Variants in TRIO observed in about 807,000 individuals in gnomAD.
TRIO encodes the protein trio Rho guanine nucleotide exchange factor.
TRIO carries 58 observed loss-of-function variants against 351.9 expected under a neutral mutation model. The ratio of observed to expected loss-of-function variants is 0.16; its 90% CI spans 0.13 to 0.21. The LOEUF (loss-of-function observed/expected upper bound fraction) is 0.21, where lower values mean the gene tolerates loss of function less well. TRIO is among the 10% of genes least tolerant of loss of function. The pLI is 1.00. For synonymous variants in TRIO, 1,758 were observed against 1,595.7 expected (o/e 1.10, Z -2.42); for missense variants, 3,201 against 4,027.8 (o/e 0.79, Z 5.56).
At position 14,336,682 on chromosome 5, in the gene TRIO, G is replaced by A; in HGVS notation, c.2001G>A (p.Lys667=). ...QDFVRRVEQR[K]ILLDMSVSFH... is the part of the protein sequence containing the mutation. ...TCGTTCGGCGTGTTGAGCAGCGAAA[G>A]ATCCTACTGGACATGTCAGTGTCCT... Residue 667 remains lysine (K), a synonymous_variant, in exon 11 of 57, where the codon AAG becomes AAA. Coordinates refer to ENST00000344204, the MANE Select transcript of TRIO (RefSeq NM_007118.4). 6.2e-7 allele frequency: 1 copy of A among 1,614,252 alleles called. No homozygotes were observed. Among genetic ancestry groups the A allele is most frequent in the South Asian group, 1.1e-5 (1 of 91,088 alleles).
At chr5:14,426,385 G>A (rs1157223431) in intron 34 of TRIO, among the ~76,000 whole-genome samples, 1 of 152,086 alleles carries the variant, frequency 6.6e-6, no homozygotes, top group Non-Finnish European at 1.5e-5. Flanking sequence ...AAAAATAAAT[G>A]TATTCAGTGA....
At chr5:14,357,003 G>A (rs1455985292) in intron 11 of TRIO, among the ~76,000 whole-genome samples, 6 of 152,268 alleles carry the variant, frequency 3.9e-5, no homozygotes, top group Non-Finnish European at 8.8e-5. Flanking sequence ...TTTGAGGTGA[G>A]GGAGAGGCTC....
intron 49 of TRIO, among the ~76,000 whole-genome samples, chr5:14,495,227 A>G (rs1463467908): frequency 6.6e-6 from 1 of 152,252 alleles, no homozygotes; most frequent in South Asian, 2.1e-4. Flanking sequence ...AAGAGCTGCA[A>G]TCTCCTCATC....
chr5:14,455,520 G>A (rs1753218565), intron 34 of TRIO, among the ~76,000 whole-genome samples: 1 of 151,730 alleles, frequency 6.6e-6, no homozygotes, highest in Non-Finnish European at 1.5e-5. Flanking sequence ...GTGGATTGGT[G>A]TATTTACAAT....
intron 1 of TRIO, among the ~76,000 whole-genome samples, chr5:14,216,773 A>G (rs1177271590): frequency 1.3e-5 from 2 of 152,248 alleles, no homozygotes; most frequent in East Asian, 1.9e-4. Flanking sequence ...ACTGCCTCCA[A>G]GGGTCCTGAA....
intron 1 of TRIO, among the ~76,000 whole-genome samples, chr5:14,255,155 A>C (rs1794960222): frequency 6.6e-6 from 1 of 152,270 alleles, no homozygotes; most frequent in Non-Finnish European, 1.5e-5. Context: ...TTAAATACAT[A>C]GACTGGTCTG....
At chr5:14,471,188 C>G in intron 37 of TRIO, 130 bp from the exon 38 acceptor site, 1 of 1,260,058 alleles carries the variant, frequency 7.9e-7, no homozygotes, top group Non-Finnish European at 1.0e-6. Context: ...TATAATTTCA[C>G]AAACAAAGAT....
At position 14,344,420 on chromosome 5, in the gene TRIO, T is replaced by C. The variant is rs901987309; in HGVS notation, c.2046+7693T>C. Reference sequence around the variant, plus strand: ...CTTTATTGAAATAATTGAGAAAATATAGTATAACAAACACACCCCCTAAAT... The same window carrying C: ...CTTTATTGAAATAATTGAGAAAATACAGTATAACAAACACACCCCCTAAAT... On this transcript the variant is annotated intron_variant, in intron 11 of 56. Coordinates refer to ENST00000344204, the MANE Select transcript of TRIO (RefSeq NM_007118.4). Among the ~76,000 whole-genome samples, 8 of 152,198 alleles carry C rather than the reference T, an allele frequency of 5.3e-5. No homozygotes were observed. In the East Asian group the frequency reaches 5.8e-4, roughly 11 times the overall value.
At chr5:14,390,148 A>G (rs1561430571) in intron 25 of TRIO, 83 bp from the exon 26 acceptor site, 7 of 1,280,960 alleles carry the variant, frequency 5.5e-6, no homozygotes, top group Middle Eastern at 2.3e-4. Flanking sequence ...TAGGGGGCAC[A>G]GATTTCTCAG....
chr5:14,423,310 C>G (rs1438275387), intron 34 of TRIO, among the ~76,000 whole-genome samples: 1 of 152,256 alleles, frequency 6.6e-6, no homozygotes, highest in Non-Finnish European at 1.5e-5. Context: ...CCTCCCTTCA[C>G]TCTCTTCCAC....
rs77246306 is a variant in TRIO at position 14,281,802 on chromosome 5, G to A, written c.347+1366G>A. Among the ~76,000 whole-genome samples the A allele has an allele frequency of 6.2e-3, 938 of 152,196 alleles. 13 individuals carry two copies. The highest frequency in any genetic ancestry group is 0.022 in the African/African-American group (906 of 41,534). Reference sequence around the variant, plus strand: ...AATGAGGATGTGTGAGAGAAAACTCGGCCATAATATGGGCTGGCTAGATAG... The same window carrying A: ...AATGAGGATGTGTGAGAGAAAACTCAGCCATAATATGGGCTGGCTAGATAG... On this transcript the variant is annotated intron_variant, in intron 3 of 56. Transcript: ENST00000344204.
chr5:14,450,495 C>G (rs754620210), intron 34 of TRIO, among the ~76,000 whole-genome samples: 9 of 151,842 alleles, frequency 5.9e-5, no homozygotes, highest in Non-Finnish European at 1.3e-4. Flanking sequence ...CAGCATGAGC[C>G]GTGGCAGTGC....
At chr5:14,362,543 A>G (rs1464697694) in intron 13 of TRIO, among the ~76,000 whole-genome samples, 1 of 152,196 alleles carries the variant, frequency 6.6e-6, no homozygotes, top group Non-Finnish European at 1.5e-5. Flanking sequence ...ATTGGTTGTC[A>G]AAGGAACCAG....
intron 1 of TRIO, among the ~76,000 whole-genome samples, chr5:14,153,668 C>CAG: frequency 6.6e-6 from 1 of 152,094 alleles, no homozygotes; most frequent in Non-Finnish European, 1.5e-5. Context: ...GTAGGGCAAG[C>CAG]GACCTGCTTG....
intron 33 of TRIO, among the ~76,000 whole-genome samples, chr5:14,406,881 T>C (rs1431731280): frequency 6.6e-6 from 1 of 152,116 alleles, no homozygotes; most frequent in Non-Finnish European, 1.5e-5. Context: ...GGAGAAATCA[T>C]TCAACTCTTT....
chr5:14,400,856 A>T, intron 30 of TRIO, 107 bp from the exon 31 acceptor site: 1 of 945,022 alleles, frequency 1.1e-6, no homozygotes, highest in Admixed American at 2.4e-5. Context: ...TGACGTTCTT[A>T]TAACCTAACA....
rs552439085 is a variant in TRIO, at chr5:14,291,393, C to A, written c.1053+165C>A. On this transcript the variant is annotated intron_variant, in intron 5 of 56. Transcript: ENST00000344204. The stretch of plus-strand genomic sequence containing the variant: ...AGAAATGGCACTGAAATCTGTTTTC[C>A]GGTTTTACTCGTTGTGCAATACAGT... Among the ~76,000 whole-genome samples, 3 of 151,822 alleles carry A rather than the reference C, an allele frequency of 2.0e-5. No individual in the cohort carries two copies. The East Asian group carries it at 5.8e-4, about 29-fold the overall frequency.
intron 31 of TRIO, among the ~76,000 whole-genome samples, chr5:14,402,087 G>T (rs947395038): frequency 3.3e-5 from 5 of 152,152 alleles, no homozygotes; most frequent in African/African-American, 1.2e-4. Flanking sequence ...AATGTGCTCT[G>T]GCTAGTACTG....
At chr5:14,426,552 A>G (rs1419633569) in intron 34 of TRIO, among the ~76,000 whole-genome samples, 2 of 152,238 alleles carry the variant, frequency 1.3e-5, no homozygotes, top group East Asian at 3.8e-4. Context: ...CACTGAAAGC[A>G]CCTTAAACAG....
Sources: allele counts gnomAD v4.1 joint callset (sites outside exome capture counted in the v4.1 genomes callset), GRCh38; gene constraint gnomAD v4.1.1; transcripts MANE v1.5; gene names NCBI Gene and HGNC (gene_info 2026-07-23, HGNC 2026-07-21).